The following GMDS variants were observed in gnomAD, a reference collection of about 807,000 sequenced individuals.
GMDS encodes GDP-mannose 4,6-dehydratase, also known as GDP-mannose 4,6 dehydratase.
Under a neutral mutation model 49.9 loss-of-function variants are expected in GMDS, and 20 were observed. The ratio of observed to expected loss-of-function variants is 0.40; its 90% CI spans 0.28 to 0.58. The LOEUF is 0.58. Among genes scored for constraint, GMDS ranks in the 20% least tolerant of loss-of-function variants. The pLI, the probability that GMDS is intolerant of heterozygous loss-of-function variation, is 0.42. For missense variants in GMDS, 362 were observed against 481.4 expected, an observed-to-expected ratio of 0.75 and a Z score of 2.32; for synonymous variants, 177 against 178.6, an observed-to-expected ratio of 0.99 and a Z score of 0.07.
intron 4 of GMDS, among the ~76,000 whole-genome samples, chr6:2,062,307 T>C (rs1771230473): frequency 6.6e-6 from 1 of 152,148 alleles, no homozygotes. Flanking sequence ...AATAGATCTA[T>C]CTACTGCAAA....
intron 1 of GMDS, among the ~76,000 whole-genome samples, chr6:2,158,469 C>G (rs1777217877): frequency 6.6e-6 from 1 of 152,108 alleles, no homozygotes; most frequent in Admixed American, 6.6e-5. Flanking sequence ...AGCAAAATTT[C>G]CAATCAACCT....
At chr6:2,132,351 G>A (rs1775782965) in intron 1 of GMDS, among the ~76,000 whole-genome samples, 1 of 152,100 alleles carries the variant, frequency 6.6e-6, no homozygotes, top group African/African-American at 2.4e-5. Context: ...TAGGTGTTAT[G>A]GGATGGAGGA....
intron 7 of GMDS, among the ~76,000 whole-genome samples, chr6:1,829,030 T>C (rs539756896): frequency 1.3e-5 from 2 of 152,274 alleles, no homozygotes; most frequent in South Asian, 4.1e-4. Context: ...CGGGAAAAAG[T>C]TTCATTAGGA....
At chr6:1,965,081 T>A (rs60422717) in intron 4 of GMDS, among the ~76,000 whole-genome samples, 90,560 of 149,084 alleles carry the variant, frequency 0.61, 27,709 homozygotes, top group Admixed American at 0.65. Flanking sequence ...TTGTTCCAGG[T>A]CTTTGGGTTA....
intron 4 of GMDS, among the ~76,000 whole-genome samples, chr6:1,989,458 T>G (rs1765785820): frequency 6.6e-6 from 1 of 152,312 alleles, no homozygotes; most frequent in East Asian, 1.9e-4. Flanking sequence ...GAAGAAAGGC[T>G]AAGAAAGGCT....
intron 4 of GMDS, among the ~76,000 whole-genome samples, chr6:2,018,875 T>C (rs573916639): frequency 8.7e-4 from 132 of 152,268 alleles, no homozygotes; most frequent in African/African-American, 3.0e-3. Context: ...CTGGGGTACA[T>C]GGTAACTTGA....
chr6:1,692,716 T>C (rs1310528247), intron 9 of GMDS, among the ~76,000 whole-genome samples: 1 of 152,228 alleles, frequency 6.6e-6, no homozygotes, highest in Non-Finnish European at 1.5e-5. Flanking sequence ...TGACAGACAT[T>C]ATAGATTTCA....
chr6:1,847,982 T>C (rs1263282600), intron 7 of GMDS, among the ~76,000 whole-genome samples: 4 of 152,076 alleles, frequency 2.6e-5, no homozygotes, highest in African/African-American at 9.7e-5. Flanking sequence ...GGCCAAGGCA[T>C]TAAGCCAAAC....
chr6:1,915,030 C>T (rs770757699), intron 7 of GMDS, among the ~76,000 whole-genome samples: 6 of 152,248 alleles, frequency 3.9e-5, no homozygotes, highest in Non-Finnish European at 7.3e-5. Context: ...CAGCAGGTGG[C>T]TGGCATCCAC....
chr6:1,853,076 G>A (rs1041264124), intron 7 of GMDS, among the ~76,000 whole-genome samples: 5 of 152,082 alleles, frequency 3.3e-5, no homozygotes, highest in African/African-American at 7.2e-5. Flanking sequence ...AAGGGGAAAG[G>A]GGAAATGCAG....
intron 9 of GMDS, among the ~76,000 whole-genome samples, chr6:1,689,955 A>G (rs916861935): frequency 1.3e-5 from 2 of 152,114 alleles, no homozygotes; most frequent in Non-Finnish European, 2.9e-5. Flanking sequence ...TGCTTTTATT[A>G]ATCAAAATAA....
intron 7 of GMDS, among the ~76,000 whole-genome samples, chr6:1,802,328 C>G (rs941697668): frequency 2.0e-5 from 3 of 152,152 alleles, no homozygotes; most frequent in African/African-American, 7.2e-5. Flanking sequence ...AAGGACAAGA[C>G]AGCAATCTGT....
At chr6:1,781,716 A>G (rs1769093848) in intron 7 of GMDS, among the ~76,000 whole-genome samples, 1 of 152,228 alleles carries the variant, frequency 6.6e-6, no homozygotes, top group Admixed American at 6.5e-5. Context: ...CCTGCTGGTC[A>G]TAACTTCCTT....
intron 7 of GMDS, among the ~76,000 whole-genome samples, chr6:1,798,832 G>A (rs772302564): frequency 3.3e-5 from 5 of 152,126 alleles, no homozygotes; most frequent in East Asian, 1.9e-4. Flanking sequence ...CACCTACACC[G>A]GGTGTGTGAA....
At chr6:1,928,588 A>G (rs574265777) in intron 7 of GMDS, among the ~76,000 whole-genome samples, 115 of 152,318 alleles carry the variant, frequency 7.5e-4, no homozygotes, top group African/African-American at 2.6e-3. Flanking sequence ...GTGAACCTAT[A>G]TATTTTTTGA....
chr6:1,781,965 C>T (rs2113612392), intron 7 of GMDS, among the ~76,000 whole-genome samples: 1 of 152,066 alleles, frequency 6.6e-6, no homozygotes, highest in Non-Finnish European at 1.5e-5. Flanking sequence ...CCGGTCCCTA[C>T]ACCTCGCCGC....
intron 7 of GMDS, among the ~76,000 whole-genome samples, chr6:1,764,780 C>T (rs143815764): frequency 3.9e-4 from 59 of 152,246 alleles, no homozygotes; most frequent in African/African-American, 1.4e-3. Context: ...TCAACATTTC[C>T]GTTCTAAAGA....
At chr6:2,076,031 G>A (rs1238162420) in intron 4 of GMDS, among the ~76,000 whole-genome samples, 1 of 152,168 alleles carries the variant, frequency 6.6e-6, no homozygotes, top group African/African-American at 2.4e-5. Flanking sequence ...TTTTTCATGT[G>A]TCTTTTGGCT....
intron 7 of GMDS, among the ~76,000 whole-genome samples, chr6:1,815,767 G>A (rs1199792049): frequency 6.6e-6 from 1 of 152,086 alleles, no homozygotes; most frequent in Non-Finnish European, 1.5e-5. Flanking sequence ...CAAGAAGAAG[G>A]CCAAGACACA....
Sources: gnomAD v4.1 joint callset for allele counts (sites outside exome capture counted in the v4.1 genomes callset) on GRCh38, gnomAD v4.1.1 for gene constraint, MANE v1.5 for transcripts, NCBI Gene and HGNC (gene_info 2026-07-23, HGNC 2026-07-21) for gene names.